FRMPD1: variants seen among roughly 807,000 people sequenced by gnomAD.
The protein encoded by FRMPD1 is FERM and PDZ domain containing 1.
FRMPD1 carries 76 observed loss-of-function variants against 117.8 expected under a neutral mutation model. The observed-to-expected ratio is 0.65, with a 90% confidence interval of 0.54 to 0.78. The LOEUF (loss-of-function observed/expected upper bound fraction) is 0.78. Among genes scored for constraint, FRMPD1 ranks in the 30% least tolerant of loss-of-function variants. FRMPD1 has a pLI of 0.00. For synonymous variants in FRMPD1, 783 were observed against 770.4 expected (o/e 1.02, Z -0.27); for missense variants, 1,786 against 1,964.5 (o/e 0.91, Z 1.72).
At chr9:37,644,278 T>TC in the FRMPD1 span, among the ~76,000 whole-genome samples, 22,597 of 152,138 alleles carry the variant, frequency 0.15, 1,786 homozygotes, top group African/African-American at 0.2. Flanking sequence ...TTAGTTGGGG[T>TC]AGCTGGGCCC....
chr9:37,739,071 G>A (rs950637890), intron 14 of FRMPD1, among the ~76,000 whole-genome samples: 4 of 152,152 alleles, frequency 2.6e-5, no homozygotes, highest in Non-Finnish European at 5.9e-5. Flanking sequence ...CTACAGAGGA[G>A]ACCTCAGCGC....
chr9:37,707,420 A>T lies in FRMPD1; in HGVS notation c.106A>T (p.Lys36Ter), dbSNP rs765321276. ...TACATACTCCTTCTCTTCCAGGGCT[A>T]AAGTTGCTGCAGCTGATGGGCCCGC... ...RRSRDSSARA[K>*]VAAADGPARN... The change falls in exon 3 of 16, where the codon AAA becomes TAA. Residue 36 changes from lysine to a stop codon, truncating the protein, a stop_gained. Coordinates refer to ENST00000377765, the MANE Select transcript of FRMPD1 (RefSeq NM_014907.3). LOFTEE classifies it high-confidence loss of function. 7.4e-6 allele frequency: 12 copies of T among 1,613,378 alleles called. No homozygotes were observed. The highest frequency in any genetic ancestry group is 1.0e-5 in the Non-Finnish European group (12 of 1,179,632).
At chr9:37,725,045 T>C (rs948870460) in intron 7 of FRMPD1, among the ~76,000 whole-genome samples, 3 of 151,952 alleles carry the variant, frequency 2.0e-5, no homozygotes, top group Non-Finnish European at 1.5e-5. Context: ...AGGGTACATA[T>C]CAATCAGAGA....
At chr9:37,673,250 AC>A (rs1260487259) in intron 1 of FRMPD1, among the ~76,000 whole-genome samples, 1 of 152,222 alleles carries the variant, frequency 6.6e-6, no homozygotes, top group Admixed American at 6.5e-5. Flanking sequence ...CAAAGGTGTT[AC>A]AGGGCCCATG....
chr9:37,692,821 C>T (rs2118032900), intron 2 of FRMPD1, 79 bp downstream of exon 2: 1 of 1,016,450 alleles, frequency 9.8e-7, no homozygotes, highest in Non-Finnish European at 1.6e-6. Context: ...GTCCTGGCCG[C>T]ACCTTGGGAT....
the FRMPD1 span, among the ~76,000 whole-genome samples, chr9:37,645,550 A>G: frequency 6.6e-6 from 1 of 152,220 alleles, no homozygotes; most frequent in African/African-American, 2.4e-5. Context: ...TGAGAGAACG[A>G]CTATGATAAA....
chr9:37,722,209 G>GT (rs746209557), intron 6 of FRMPD1, among the ~76,000 whole-genome samples: 12 of 151,842 alleles, frequency 7.9e-5, no homozygotes, highest in South Asian at 6.2e-4. Context: ...AAATACTGTG[G>GT]TTTTTTAAAA....
intron 1 of FRMPD1, among the ~76,000 whole-genome samples, chr9:37,679,126 C>G (rs1488481893): frequency 6.6e-6 from 1 of 152,242 alleles, no homozygotes; most frequent in Non-Finnish European, 1.5e-5. Flanking sequence ...GTGGTTGCAT[C>G]TTCTTGCTCC....
intron 1 of FRMPD1, among the ~76,000 whole-genome samples, chr9:37,681,022 C>A (rs887305424): frequency 2.6e-5 from 4 of 151,922 alleles, no homozygotes; most frequent in African/African-American, 9.7e-5. Context: ...CCAGCTGGGG[C>A]AACATAGCAA....
intron 1 of FRMPD1, among the ~76,000 whole-genome samples, chr9:37,692,091 A>G (rs1375241026): frequency 6.6e-6 from 1 of 152,232 alleles, no homozygotes; most frequent in African/African-American, 2.4e-5. Context: ...TTAAATTTTT[A>G]AGCACACAAT....
At chr9:37,667,304 G>A (rs1034653212) in intron 1 of FRMPD1, among the ~76,000 whole-genome samples, 1 of 150,758 alleles carries the variant, frequency 6.6e-6, no homozygotes. Context: ...GACCTCAAGC[G>A]ATCTGCCCAC....
At chr9:37,667,431 G>A (rs1427815033) in intron 1 of FRMPD1, among the ~76,000 whole-genome samples, 3 of 151,010 alleles carry the variant, frequency 2.0e-5, no homozygotes, top group South Asian at 2.1e-4. Context: ...CCAGCACTTC[G>A]GGAGGCTGAG....
intron 13 of FRMPD1, 108 bp from the exon 14 acceptor site, chr9:37,736,988 T>C: frequency 4.9e-6 from 4 of 818,730 alleles, no homozygotes; most frequent in East Asian, 2.4e-5. Context: ...CTGTGGACCA[T>C]GGCCGGATTT....
the FRMPD1 span, among the ~76,000 whole-genome samples, chr9:37,634,824 C>T: frequency 1.2e-4 from 18 of 150,858 alleles, no homozygotes; most frequent in Admixed American, 6.6e-4. Flanking sequence ...CATAGGTATA[C>T]GTGTGCCATG....
chr9:37,637,292 A>G, the FRMPD1 span: 10 of 1,501,634 alleles, frequency 6.7e-6, no homozygotes, highest in African/African-American at 9.6e-5. Context: ...TCCGGGGTTC[A>G]TGGCGGCGGC....
chr9:37,629,542 A>C, the FRMPD1 span, among the ~76,000 whole-genome samples: 1 of 152,242 alleles, frequency 6.6e-6, no homozygotes, highest in South Asian at 2.1e-4. Flanking sequence ...TCAGGGCAGT[A>C]GCAATGCAGG....
chr9:37,603,959 G>T, the FRMPD1 span, among the ~76,000 whole-genome samples: 2 of 152,108 alleles, frequency 1.3e-5, no homozygotes, highest in Non-Finnish European at 2.9e-5. Context: ...GATTACAGGA[G>T]TGAGCCTGTA....
intron 4 of FRMPD1, among the ~76,000 whole-genome samples, chr9:37,710,782 T>A (rs921537502): frequency 6.6e-6 from 1 of 151,918 alleles, no homozygotes; most frequent in Non-Finnish European, 1.5e-5. Context: ...CTGACCAACA[T>A]GGTGAAATCC....
At chr9:37,737,284 T>C (rs763926149) in intron 14 of FRMPD1, 41 bp downstream of exon 14, 4 of 1,603,556 alleles carry the variant, frequency 2.5e-6, no homozygotes, top group Non-Finnish European at 1.7e-6. Context: ...CAGGCCCCTT[T>C]CACTGGCCTT....
Sources: allele counts gnomAD v4.1 joint callset (sites outside exome capture counted in the v4.1 genomes callset), GRCh38; gene constraint gnomAD v4.1.1; transcripts MANE v1.5; gene names NCBI Gene and HGNC (gene_info 2026-07-23, HGNC 2026-07-21).